The following DNAH8 variants were observed in gnomAD, a reference collection of about 807,000 sequenced individuals.
DNAH8 encodes axonemal beta dynein heavy chain 8.
Under a neutral mutation model 562.1 loss-of-function variants are expected in DNAH8, and 382 were observed. The ratio of observed to expected loss-of-function variants is 0.68; its 90% CI spans 0.63 to 0.74. The LOEUF (loss-of-function observed/expected upper bound fraction) is 0.74. DNAH8 is among the 30% of genes least tolerant of loss of function. The pLI, the probability that DNAH8 is intolerant of heterozygous loss-of-function variation, is 0.00. For missense variants in DNAH8, 5,203 were observed against 5,620.4 expected (o/e 0.93, Z 2.37); for synonymous variants, 1,881 against 1,919.4 (o/e 0.98, Z 0.52).
intron 87 of DNAH8, among the ~76,000 whole-genome samples, chr6:38,989,230 C>T (rs1583518357): frequency 6.6e-6 from 1 of 152,210 alleles, no homozygotes; most frequent in South Asian, 2.1e-4. Flanking sequence ...CCTGCATTTC[C>T]ACTCTTCCTG....
chr6:38,849,005 G>A (rs1775530591), intron 37 of DNAH8, among the ~76,000 whole-genome samples: 1 of 152,126 alleles, frequency 6.6e-6, no homozygotes, highest in African/African-American at 2.4e-5. Context: ...TGTGGCTGCT[G>A]TAGCACCACA....
rs140431942 is a variant in DNAH8 at position 38,726,272 on chromosome 6, A to C, written c.525+2801A>C. On this transcript the variant is annotated intron_variant, in intron 3 of 92. Coordinates refer to ENST00000327475, the MANE Select transcript of DNAH8 (RefSeq NM_001206927.2). ...GCATTGCGGCCTGATCACTGCCTTC[A>C]TGAAAGGGTAACTGCTAGAACTAAG... 3.2e-3 allele frequency among the ~76,000 whole-genome samples: 481 copies of C among 152,326 alleles called. 4 individuals carry two copies. Among genetic ancestry groups the C allele is most frequent in the South Asian group, 4.4e-3 (21 of 4,818 alleles).
Position 38,984,268 on chromosome 6 carries a change from A to AG in DNAH8, c.13015dup (p.Asp4339GlyfsTer2). The stretch of plus-strand genomic sequence containing the variant: ...AAGTACAATATGGAGGCAGAGTGAC[A>AG]GATGACTTTGACAAACGTCTACTTA... On this transcript the variant is annotated frameshift_variant, in exon 87 of 93. Coordinates refer to ENST00000327475, the MANE Select transcript of DNAH8 (RefSeq NM_001206927.2). LOFTEE classifies it high-confidence loss of function. The AG allele has an allele frequency of 6.2e-7, 1 of 1,611,424 alleles. No homozygotes were observed. The highest frequency in any genetic ancestry group is 8.5e-7 in the Non-Finnish European group (1 of 1,177,484).
chr6:38,834,712 T>C (rs992807061), intron 32 of DNAH8, 71 bp downstream of exon 32: 2 of 1,207,958 alleles, frequency 1.7e-6, no homozygotes, highest in Non-Finnish European at 2.4e-6. Flanking sequence ...AAGATGGAGG[T>C]TTTACTTTTT....
At chr6:38,949,897 C>A (rs1163862427) in intron 81 of DNAH8, among the ~76,000 whole-genome samples, 1 of 151,866 alleles carries the variant, frequency 6.6e-6, no homozygotes, top group Non-Finnish European at 1.5e-5. Context: ...CATGATTTAC[C>A]ATTGAGTGTA....
Position 38,823,691 on chromosome 6 carries a change from A to G in DNAH8, c.3847+3A>G. 6.3e-7 allele frequency: 1 copy of G among 1,584,442 alleles called. No homozygotes were observed. The highest frequency in any genetic ancestry group is 8.6e-7 in the Non-Finnish European group (1 of 1,160,280). ...AGGAGCACTTGAATTACATACAGGT[A>G]TTTTAAAAATGTTTATTATGTAAAG... is the stretch of plus-strand genomic sequence containing the variant. On this transcript the variant is annotated splice_donor_region_variant and intron_variant, in intron 28 of 92. Coordinates refer to ENST00000327475, the MANE Select transcript of DNAH8 (RefSeq NM_001206927.2).
chr6:38,850,216 A>G, intron 37 of DNAH8, 35 bp from the exon 38 acceptor site: 1 of 1,596,018 alleles, frequency 6.3e-7, no homozygotes, highest in Non-Finnish European at 8.5e-7. Context: ...AATTATCCAA[A>G]TGCTAATCTT....
At chr6:38,996,848 A>G (rs1346275558) in intron 88 of DNAH8, among the ~76,000 whole-genome samples, 2 of 152,162 alleles carry the variant, frequency 1.3e-5, no homozygotes, top group South Asian at 2.1e-4. Flanking sequence ...AGAAGCCCAC[A>G]TGGTGTTGCT....
intron 89 of DNAH8, among the ~76,000 whole-genome samples, chr6:39,010,188 A>C (rs1766097104): frequency 6.6e-6 from 1 of 152,182 alleles, no homozygotes; most frequent in Non-Finnish European, 1.5e-5. Flanking sequence ...CCTATATGGG[A>C]AAGAGTTTGT....
At chr6:38,808,311 G>A (rs1771479090) in intron 24 of DNAH8, among the ~76,000 whole-genome samples, 1 of 152,156 alleles carries the variant, frequency 6.6e-6, no homozygotes, top group Admixed American at 6.5e-5. Flanking sequence ...GCAGCACATA[G>A]TGAGAGTACC....
intron 14 of DNAH8, 68 bp downstream of exon 14, chr6:38,778,532 A>C (rs1045907672): frequency 3.7e-5 from 36 of 981,266 alleles, no homozygotes; most frequent in Non-Finnish European, 5.5e-5. Context: ...ATACAATTTC[A>C]AATTAGGATG....
intron 88 of DNAH8, 30 bp from the exon 89 acceptor site, chr6:39,008,784 A>G: frequency 6.8e-7 from 1 of 1,464,158 alleles, no homozygotes; most frequent in Non-Finnish European, 9.4e-7. Context: ...TTTCCCTGTA[A>G]CATTCTGAAC....
intron 81 of DNAH8, among the ~76,000 whole-genome samples, chr6:38,950,184 G>T (rs1761765260): frequency 9.3e-6 from 1 of 107,440 alleles, no homozygotes; most frequent in Non-Finnish European, 1.8e-5. Flanking sequence ...CAGTGTGTGT[G>T]TCTGCGTGTG....
intron 56 of DNAH8, among the ~76,000 whole-genome samples, chr6:38,884,434 CAT>C (rs1202280779): frequency 6.6e-6 from 1 of 152,182 alleles, no homozygotes; most frequent in Non-Finnish European, 1.5e-5. Context: ...GCTGGGATAA[CAT>C]GTGCCCGCCA....
chr6:38,960,212 A>AT lies in DNAH8; in HGVS notation c.12451+8699dup, dbSNP rs913519552. 7.9e-5 allele frequency among the ~76,000 whole-genome samples: 12 copies of AT among 152,116 alleles called. No homozygotes were observed. The South Asian group carries it at 1.0e-3, about 13-fold the overall frequency. ...CTCCAGAACATTAGTCTGGGCAAAT[A>AT]TTTTTTTGTGTAAGACCTCAAAAAC... On this transcript the variant is annotated intron_variant, in intron 82 of 92. Transcript: ENST00000327475.
intron 79 of DNAH8, among the ~76,000 whole-genome samples, chr6:38,943,050 G>C (rs896328006): frequency 2.6e-5 from 4 of 152,220 alleles, no homozygotes; most frequent in African/African-American, 9.6e-5. Context: ...TGAAATTGGA[G>C]TCAGGGAGAA....
At chr6:38,787,633 T>C (rs1445954695) in intron 18 of DNAH8, among the ~76,000 whole-genome samples, 9 of 144,374 alleles carry the variant, frequency 6.2e-5, no homozygotes, top group African/African-American at 2.3e-4. Flanking sequence ...GAGGTGGAGG[T>C]TGCAGTGAGC....
At chr6:39,024,548 C>G (rs184712510) in intron 91 of DNAH8, among the ~76,000 whole-genome samples, 1 of 152,154 alleles carries the variant, frequency 6.6e-6, no homozygotes, top group Non-Finnish European at 1.5e-5. Flanking sequence ...TGGAAGTTGC[C>G]TGGCACAGTG....
intron 63 of DNAH8, among the ~76,000 whole-genome samples, chr6:38,907,366 C>A (rs1485496473): frequency 6.6e-6 from 1 of 152,150 alleles, no homozygotes; most frequent in Non-Finnish European, 1.5e-5. Flanking sequence ...CTAGCTACAA[C>A]TACCAAAGTT....
Sources: allele counts gnomAD v4.1 joint callset (sites outside exome capture counted in the v4.1 genomes callset), GRCh38; gene constraint gnomAD v4.1.1; transcripts MANE v1.5; gene names NCBI Gene and HGNC (gene_info 2026-07-23, HGNC 2026-07-21).